TP63: variants seen among roughly 807,000 people sequenced by gnomAD.
TP63 encodes the protein tumor protein 63.
A neutral mutation model predicts 82.8 loss-of-function variants in TP63; 17 were observed. The ratio of observed to expected loss-of-function variants is 0.21; its 90% CI spans 0.14 to 0.31. The LOEUF (loss-of-function observed/expected upper bound fraction) is 0.31. TP63 is among the 10% of genes least tolerant of loss of function. TP63 has a pLI of 1.00. For synonymous variants in TP63, 330 were observed against 321.7 expected (o/e 1.03, Z -0.28); for missense variants, 648 against 895.3 (o/e 0.72, Z 3.52).
chr3:189,894,507 C>T lies in TP63; in HGVS notation c.*5C>T, dbSNP rs761489390. 6 of 1,612,572 alleles carry T rather than the reference C, an allele frequency of 3.7e-6. No homozygotes were observed. The highest frequency in any genetic ancestry group is 2.2e-5 in the South Asian group (2 of 91,020). On this transcript the variant is annotated 3_prime_UTR_variant, in exon 14 of 14. Coordinates refer to ENST00000264731, the MANE Select transcript of TP63 (RefSeq NM_003722.5). The stretch of plus-strand genomic sequence containing the variant: ...ATCAAAGAGGAGGGGGAGTGAGCCT[C>T]ACCATGTGAGCTCTTCCTATCCCTC...
In TP63 at chr3:189,807,792, C is replaced by T. The variant is rs187571494; in HGVS notation, c.325-480C>T. On this transcript the variant is annotated intron_variant, in intron 3 of 13. Coordinates refer to ENST00000264731, the MANE Select transcript of TP63 (RefSeq NM_003722.5). ...AGAATTGCAAGATTAAGAGAAAATT[C>T]GAAGGTCATTTGATTTTGCCCCCTA... is the stretch of plus-strand genomic sequence containing the variant. Among the ~76,000 whole-genome samples the T allele has an allele frequency of 1.1e-3, 166 of 152,204 alleles. 1 individual carries two copies. Among genetic ancestry groups the T allele is most frequent in the Middle Eastern group, 3.4e-3 (1 of 294 alleles).
chr3:189,711,106 T>G (rs73065446), intron 1 of TP63, among the ~76,000 whole-genome samples: 7,583 of 152,254 alleles, frequency 0.05, 609 homozygotes, highest in African/African-American at 0.17. Flanking sequence ...GTAGGGGTCA[T>G]CTGTTGTCAG....
At chr3:189,638,878 T>G (rs574570871) in intron 1 of TP63, among the ~76,000 whole-genome samples, 1 of 152,240 alleles carries the variant, frequency 6.6e-6, no homozygotes, top group Non-Finnish European at 1.5e-5. Flanking sequence ...CACACCCAGT[T>G]TTGAAAATCA....
At chr3:189,726,025 A>G (rs1417201535) in intron 1 of TP63, among the ~76,000 whole-genome samples, 1 of 133,448 alleles carries the variant, frequency 7.5e-6, no homozygotes, top group African/African-American at 2.8e-5. Flanking sequence ...ATTGCACTCC[A>G]GCCTAGGCAA....
chr3:189,737,589 C>T (rs1043763558), intron 1 of TP63, 151 bp from the exon 2 acceptor site: 15 of 981,274 alleles, frequency 1.5e-5, no homozygotes, highest in Non-Finnish European at 1.9e-5. Context: ...GAAGAAATGC[C>T]AATTGTGCAA....
At chr3:189,892,566 G>A (rs916912759) in intron 13 of TP63, among the ~76,000 whole-genome samples, 2 of 152,192 alleles carry the variant, frequency 1.3e-5, no homozygotes, top group Non-Finnish European at 2.9e-5. Flanking sequence ...GCCGAGGCAG[G>A]CGGATCACGA....
chr3:189,650,244 A>C (rs1712775547), intron 1 of TP63, among the ~76,000 whole-genome samples: 2 of 147,378 alleles, frequency 1.4e-5, no homozygotes, highest in Admixed American at 6.7e-5. Context: ...ATATGTCCGC[A>C]AAAGATCAAT....
At position 189,829,871 on chromosome 3, in the gene TP63, A is replaced by C. The variant is rs1712036369; in HGVS notation, c.579+21345A>C. Reference sequence around the variant, plus strand: ...TTCATTACCAGACCAATATAACCTTAATTTTTTTCAACCAAGATAAACAAT... The same window carrying C: ...TTCATTACCAGACCAATATAACCTTCATTTTTTTCAACCAAGATAAACAAT... On this transcript the variant is annotated intron_variant, in intron 4 of 13. Transcript: ENST00000264731. The C allele has an allele frequency of 3.7e-5, 14 of 379,980 alleles. 1 individual carries two copies. Among genetic ancestry groups the C allele is most frequent in the South Asian group, 2.6e-4 (13 of 50,828 alleles). 23.5% of individuals were successfully genotyped at this position (379,980 alleles called of 1,614,324 possible). A position where few individuals can be genotyped will look rare whatever the true frequency, so the allele number is the denominator to read the frequency against.
intron 4 of TP63, among the ~76,000 whole-genome samples, chr3:189,840,788 C>T (rs1231261553): frequency 4.3e-5 from 6 of 140,788 alleles, no homozygotes; most frequent in Admixed American, 1.6e-4. Flanking sequence ...ACCCGGGAGG[C>T]AGAGGTTGCA....
At chr3:189,619,815 A>G in the TP63 span, among the ~76,000 whole-genome samples, 3 of 152,274 alleles carry the variant, frequency 2.0e-5, no homozygotes, top group East Asian at 5.8e-4. Flanking sequence ...TATAGCAATC[A>G]TGCCTTCTCC....
intron 1 of TP63, among the ~76,000 whole-genome samples, chr3:189,644,121 A>G (rs903151251): frequency 1.3e-5 from 2 of 152,074 alleles, no homozygotes; most frequent in African/African-American, 4.8e-5. Context: ...GTACCAATCC[A>G]CACAAATGCC....
At chr3:189,764,095 A>G (rs902766840) in intron 3 of TP63, among the ~76,000 whole-genome samples, 1 of 152,150 alleles carries the variant, frequency 6.6e-6, no homozygotes, top group Non-Finnish European at 1.5e-5. Flanking sequence ...GCACCCTTGT[A>G]TGCTCATTGT....
intron 1 of TP63, among the ~76,000 whole-genome samples, chr3:189,731,863 T>A (rs577248551): frequency 6.6e-6 from 1 of 152,336 alleles, no homozygotes; most frequent in Admixed American, 6.5e-5. Context: ...GGTAAAGACT[T>A]GGAAGATAGG....
In TP63 at chr3:189,838,614, C is replaced by T. The variant is rs573169580; in HGVS notation, c.580-25618C>T. Among the ~76,000 whole-genome samples the T allele has an allele frequency of 7.2e-5, 11 of 152,184 alleles. No homozygotes were observed. The East Asian group carries it at 1.9e-3, about 27-fold the overall frequency. On this transcript the variant is annotated intron_variant, in intron 4 of 13. Transcript: ENST00000264731. ...CACCTACCCCCAGCCAACACAGATG[C>T]TTATGTATTAGTGGCCCACACGGTA...
At chr3:189,815,806 A>G (rs1309078498) in intron 4 of TP63, among the ~76,000 whole-genome samples, 1 of 152,162 alleles carries the variant, frequency 6.6e-6, no homozygotes, top group African/African-American at 2.4e-5. Flanking sequence ...TAGTGGGTAT[A>G]TTTTATTCAC....
At chr3:189,629,735 T>C (rs1250626309), upstream of TP63, among the ~76,000 whole-genome samples, 1 of 152,188 alleles carries the variant, frequency 6.6e-6, no homozygotes, top group African/African-American at 2.4e-5. Context: ...CATTAAAACT[T>C]GAGAAGCTCT....
At chr3:189,670,091 A>G (rs988964666) in intron 1 of TP63, among the ~76,000 whole-genome samples, 2 of 152,024 alleles carry the variant, frequency 1.3e-5, no homozygotes, top group Non-Finnish European at 2.9e-5. Flanking sequence ...ATAAAAATAG[A>G]TACTTGATAA....
In TP63 at chr3:189,668,214, C is replaced by A. The variant is rs1283598324; in HGVS notation, c.62+36637C>A. On this transcript the variant is annotated intron_variant, in intron 1 of 13. Coordinates refer to ENST00000264731, the MANE Select transcript of TP63 (RefSeq NM_003722.5). ...TAGAGCTACTTATTTGAACAAAAATCAGCAATTTTCTGGAAAAAAAAATCC... is the reference window on the plus strand; with the variant it reads ...TAGAGCTACTTATTTGAACAAAAATAAGCAATTTTCTGGAAAAAAAAATCC... 3.3e-5 allele frequency among the ~76,000 whole-genome samples: 5 copies of A among 151,690 alleles called. No homozygotes were observed. In the South Asian group the frequency reaches 1.0e-3, roughly 32 times the overall value.
At chr3:189,756,415 A>G (rs971227079) in intron 3 of TP63, among the ~76,000 whole-genome samples, 6 of 152,186 alleles carry the variant, frequency 3.9e-5, no homozygotes, top group Non-Finnish European at 8.8e-5. Flanking sequence ...TTTGTACAGT[A>G]TAGCCAATGG....
Sources: allele counts gnomAD v4.1 joint callset (sites outside exome capture counted in the v4.1 genomes callset), GRCh38; gene constraint gnomAD v4.1.1; transcripts MANE v1.5; gene names NCBI Gene and HGNC (gene_info 2026-07-23, HGNC 2026-07-21).